The following RREB1 variants were observed in gnomAD, a reference collection of about 807,000 sequenced individuals.
The protein encoded by RREB1 is ras-responsive element-binding protein 1.
A neutral mutation model predicts 117.8 loss-of-function variants in RREB1; 27 were observed. The ratio of observed to expected loss-of-function variants is 0.23; its 90% CI spans 0.17 to 0.32. RREB1 has a LOEUF of 0.32. Among genes scored for constraint, RREB1 ranks in the 10% least tolerant of loss-of-function variants. The pLI is 1.00. For missense variants in RREB1, 2,577 were observed against 2,378.2 expected, an observed-to-expected ratio of 1.08 and a Z score of -1.74; for synonymous variants, 1,298 against 1,026.7, an observed-to-expected ratio of 1.26 and a Z score of -5.05.
At chr6:7,146,100 AAC>A (rs372681071) in intron 1 of RREB1, among the ~76,000 whole-genome samples, 1 of 150,446 alleles carries the variant, frequency 6.6e-6, no homozygotes, top group African/African-American at 2.5e-5. Context: ...TCCCCCCACC[AAC>A]ACACACACAC....
At chr6:7,172,592 T>C (rs545209242) in intron 1 of RREB1, among the ~76,000 whole-genome samples, 1 of 151,980 alleles carries the variant, frequency 6.6e-6, no homozygotes, top group African/African-American at 2.4e-5. Flanking sequence ...GAAGAGAAGA[T>C]CAGAGTTGGA....
intron 1 of RREB1, among the ~76,000 whole-genome samples, chr6:7,112,890 G>A (rs908865661): frequency 2.0e-4 from 31 of 152,336 alleles, no homozygotes; most frequent in Middle Eastern, 3.4e-3. Flanking sequence ...GCTGGGGATT[G>A]CACTCTGCCG....
At chr6:7,137,313 G>A (rs1762384766) in intron 1 of RREB1, among the ~76,000 whole-genome samples, 1 of 152,224 alleles carries the variant, frequency 6.6e-6, no homozygotes, top group African/African-American at 2.4e-5. Context: ...GTACAGGGAG[G>A]CAGGGAATAG....
chr6:7,234,454 G>A (rs890907871), intron 10 of RREB1, among the ~76,000 whole-genome samples: 1 of 152,134 alleles, frequency 6.6e-6, no homozygotes, highest in Non-Finnish European at 1.5e-5. Context: ...CTTTGCAGGT[G>A]CCTGATATGT....
chr6:7,124,382 T>C (rs981025389), intron 1 of RREB1, among the ~76,000 whole-genome samples: 2 of 152,190 alleles, frequency 1.3e-5, no homozygotes, highest in African/African-American at 4.8e-5. Flanking sequence ...ATTGTTATCT[T>C]TGCAGGAAGT....
At chr6:7,219,495 A>T (rs1767114219) in intron 8 of RREB1, among the ~76,000 whole-genome samples, 1 of 152,148 alleles carries the variant, frequency 6.6e-6, no homozygotes, top group African/African-American at 2.4e-5. Flanking sequence ...GCACGTGGTC[A>T]GGCAGTGGCT....
intron 1 of RREB1, among the ~76,000 whole-genome samples, chr6:7,127,705 TTGA>T (rs1761997561): frequency 6.6e-6 from 1 of 152,216 alleles, no homozygotes; most frequent in Non-Finnish European, 1.5e-5. Context: ...ATTTGCTGTC[TTGA>T]TGACTCTGTG....
intron 1 of RREB1, among the ~76,000 whole-genome samples, chr6:7,118,344 C>T (rs936638777): frequency 1.3e-5 from 2 of 152,164 alleles, no homozygotes; most frequent in Non-Finnish European, 2.9e-5. Context: ...TGGTCTCAAA[C>T]TCCCAACCTC....
intron 7 of RREB1, 99 bp downstream of exon 7, chr6:7,211,047 C>A (rs1766556727): frequency 1.3e-5 from 15 of 1,197,358 alleles, no homozygotes; most frequent in Admixed American, 2.1e-5. Context: ...GGCAGACATA[C>A]ATCCTAAGCT....
intron 1 of RREB1, among the ~76,000 whole-genome samples, chr6:7,138,110 G>A (rs754461529): frequency 1.3e-5 from 2 of 152,134 alleles, no homozygotes; most frequent in Non-Finnish European, 2.9e-5. Context: ...ACTCAAGGAT[G>A]TTAAAGACCT....
chr6:7,188,400 A>G (rs1931749), intron 5 of RREB1, among the ~76,000 whole-genome samples: 147,865 of 152,104 alleles, frequency 0.97, 72,001 homozygotes, highest in African/African-American at 0.99. Flanking sequence ...ACAGGCGCCC[A>G]CCACCACGCC....
At chr6:7,221,803 T>C (rs1767276296) in intron 8 of RREB1, among the ~76,000 whole-genome samples, 1 of 152,224 alleles carries the variant, frequency 6.6e-6, no homozygotes, top group Non-Finnish European at 1.5e-5. Flanking sequence ...GTAAGGACGA[T>C]TGTGAAGTTC....
chr6:7,247,122 G>A lies in RREB1; in HGVS notation c.4672G>A (p.Val1558Met), dbSNP rs1182747579. 18 of 1,613,816 alleles carry A rather than the reference G, an allele frequency of 1.1e-5. No individual in the cohort carries two copies. Among genetic ancestry groups the A allele is most frequent in the Admixed American group, 6.7e-5 (4 of 60,008 alleles). The stretch of plus-strand genomic sequence containing the variant: ...ACCAAAGACAGACTCCCCCAAAAGC[G>A]TGGCCAGCAAGGCAGACAAGAGGAA... ...KKPKTDSPKS[V>M]ASKADKRKKV... The change falls in exon 12 of 13, where the codon GTG becomes ATG. Residue 1558 changes from valine to methionine, a missense_variant. Coordinates refer to ENST00000379938, the MANE Select transcript of RREB1 (RefSeq NM_001003699.4).
At chr6:7,247,513 G>T (rs577622477) in intron 12 of RREB1, among the ~76,000 whole-genome samples, 4 of 152,148 alleles carry the variant, frequency 2.6e-5, no homozygotes, top group Non-Finnish European at 5.9e-5. Context: ...TGTAGAGTGG[G>T]GGTAACAGCT....
chr6:7,142,687 G>T (rs371942923), intron 1 of RREB1, among the ~76,000 whole-genome samples: 2 of 152,232 alleles, frequency 1.3e-5, no homozygotes, highest in Admixed American at 6.5e-5. Context: ...CCAAGCCAGG[G>T]CACTGACTTC....
At chr6:7,110,894 C>T (rs977262418) in intron 1 of RREB1, among the ~76,000 whole-genome samples, 3 of 152,202 alleles carry the variant, frequency 2.0e-5, no homozygotes, top group African/African-American at 7.2e-5. Context: ...TGCTTTATTT[C>T]TCATCAGAAA....
At chr6:7,148,386 G>A (rs887521405) in intron 1 of RREB1, among the ~76,000 whole-genome samples, 1 of 152,106 alleles carries the variant, frequency 6.6e-6, no homozygotes, top group Non-Finnish European at 1.5e-5. Flanking sequence ...ACGGCATGGC[G>A]GATTCCCATT....
intron 1 of RREB1, among the ~76,000 whole-genome samples, chr6:7,176,414 T>C (rs1376047058): frequency 6.6e-6 from 1 of 152,160 alleles, no homozygotes; most frequent in Non-Finnish European, 1.5e-5. Context: ...GTTATTGGAA[T>C]GTGCCTGGGG....
At chr6:7,234,691 T>G (rs1354578347) in intron 10 of RREB1, among the ~76,000 whole-genome samples, 1 of 152,262 alleles carries the variant, frequency 6.6e-6, no homozygotes, top group Non-Finnish European at 1.5e-5. Flanking sequence ...CCTACCATAA[T>G]ATGTTCTTGG....
Sources: allele counts gnomAD v4.1 joint callset (sites outside exome capture counted in the v4.1 genomes callset), GRCh38; gene constraint gnomAD v4.1.1; transcripts MANE v1.5; gene names NCBI Gene and HGNC (gene_info 2026-07-23, HGNC 2026-07-21).